Variants in ATXN7L1 observed in about 807,000 individuals in gnomAD.
ATXN7L1 encodes ataxin 7 like 1, also known as ataxin-7-like protein 1.
A neutral mutation model predicts 70.8 loss-of-function variants in ATXN7L1; 15 were observed. That is an observed-to-expected ratio of 0.21 (90% CI 0.14 to 0.33). ATXN7L1 has a LOEUF of 0.33. Ranked by LOEUF, ATXN7L1 falls within the 10% of genes least tolerant of loss-of-function variation. The pLI is 1.00. For missense variants in ATXN7L1, 975 were observed against 1,097.1 expected (o/e 0.89, Z 1.57); for synonymous variants, 440 against 445.1 (o/e 0.99, Z 0.14).
intron 3 of ATXN7L1, among the ~76,000 whole-genome samples, chr7:105,694,368 C>G (rs923169309): frequency 5.9e-5 from 9 of 152,100 alleles, no homozygotes; most frequent in Non-Finnish European, 1.2e-4. Flanking sequence ...TTCAATCAGC[C>G]CTGTCCTTGG....
chr7:105,853,985 C>T (rs1815299486), intron 2 of ATXN7L1, among the ~76,000 whole-genome samples: 1 of 152,072 alleles, frequency 6.6e-6, no homozygotes, highest in East Asian at 1.9e-4. Context: ...TCTGTGGACA[C>T]GCGGCGGTCT....
chr7:105,610,994 C>T (rs141865295), intron 10 of ATXN7L1, among the ~76,000 whole-genome samples: 4 of 152,344 alleles, frequency 2.6e-5, no homozygotes, highest in Admixed American at 6.5e-5. Context: ...TCTGACCCTC[C>T]GTCCCAAACC....
intron 3 of ATXN7L1, among the ~76,000 whole-genome samples, chr7:105,757,089 G>T (rs1799892819): frequency 6.6e-6 from 1 of 152,174 alleles, no homozygotes. Flanking sequence ...AGTCACGAAA[G>T]GGGCCAAAAA....
chr7:105,856,506 A>T (rs1380298093), intron 2 of ATXN7L1, among the ~76,000 whole-genome samples: 1 of 151,744 alleles, frequency 6.6e-6, no homozygotes, highest in Non-Finnish European at 1.5e-5. Flanking sequence ...GAATCGCTGG[A>T]ACTTGGGAGG....
chr7:105,757,947 T>C (rs1584934310), intron 3 of ATXN7L1, among the ~76,000 whole-genome samples: 1 of 152,218 alleles, frequency 6.6e-6, no homozygotes, highest in East Asian at 1.9e-4. Context: ...TGGTACACAG[T>C]TGCTCTGTTT....
chr7:105,615,288 G>A (rs192586195), intron 9 of ATXN7L1, among the ~76,000 whole-genome samples: 3 of 152,254 alleles, frequency 2.0e-5, no homozygotes, highest in East Asian at 3.9e-4. Flanking sequence ...CACAGGGGCC[G>A]GAGCTTCCCC....
At chr7:105,690,651 C>A (rs1304725468) in intron 3 of ATXN7L1, among the ~76,000 whole-genome samples, 2 of 152,174 alleles carry the variant, frequency 1.3e-5, no homozygotes, top group Non-Finnish European at 2.9e-5. Context: ...TCTCCCGGAC[C>A]ATTAGACTGG....
chr7:105,873,887 G>A (rs544620858), intron 2 of ATXN7L1, among the ~76,000 whole-genome samples: 4 of 152,082 alleles, frequency 2.6e-5, no homozygotes, highest in Non-Finnish European at 5.9e-5. Context: ...CAGCACTTCG[G>A]GAGGCCAAGT....
chr7:105,677,022 T>C (rs2116137318), intron 3 of ATXN7L1, among the ~76,000 whole-genome samples: 1 of 152,342 alleles, frequency 6.6e-6, no homozygotes, highest in South Asian at 2.1e-4. Flanking sequence ...TAAGGCCTCA[T>C]GGCTTGCCAG....
intron 3 of ATXN7L1, among the ~76,000 whole-genome samples, chr7:105,695,431 G>A (rs934295360): frequency 1.3e-5 from 2 of 152,146 alleles, no homozygotes; most frequent in Non-Finnish European, 2.9e-5. Context: ...GGGGAGCTTC[G>A]GACATCTGCA....
At chr7:105,817,655 A>T (rs1809392275) in intron 2 of ATXN7L1, among the ~76,000 whole-genome samples, 1 of 152,148 alleles carries the variant, frequency 6.6e-6, no homozygotes, top group Non-Finnish European at 1.5e-5. Context: ...AATGGCTCAC[A>T]CCTATAATCC....
chr7:105,689,576 A>T (rs1340833514), intron 3 of ATXN7L1, among the ~76,000 whole-genome samples: 2 of 152,162 alleles, frequency 1.3e-5, no homozygotes, highest in Non-Finnish European at 2.9e-5. Context: ...AGATGCATAC[A>T]AACCAACACA....
intron 2 of ATXN7L1, among the ~76,000 whole-genome samples, chr7:105,862,262 C>T (rs1418742223): frequency 6.6e-6 from 1 of 152,008 alleles, no homozygotes; most frequent in Admixed American, 6.6e-5. Context: ...TAGGGAGACC[C>T]CGTCTCTAAA....
chr7:105,864,306 A>AG (rs1408601307), intron 2 of ATXN7L1, among the ~76,000 whole-genome samples: 4 of 151,036 alleles, frequency 2.6e-5, no homozygotes, highest in Admixed American at 1.3e-4. Context: ...AAGTCAAAAA[A>AG]AATTAGGCAG....
chr7:105,608,361 G>A (rs1223418226), intron 11 of ATXN7L1, among the ~76,000 whole-genome samples: 1 of 152,226 alleles, frequency 6.6e-6, no homozygotes, highest in African/African-American at 2.4e-5. Flanking sequence ...ATCTTCATCT[G>A]TAATCATCTT....
chr7:105,790,341 C>T (rs1026360057), intron 2 of ATXN7L1, among the ~76,000 whole-genome samples: 3 of 152,132 alleles, frequency 2.0e-5, no homozygotes, highest in African/African-American at 7.2e-5. Flanking sequence ...GTGGCTTACA[C>T]CTGTAATCCC....
At chr7:105,832,215 GA>G (rs757063593) in intron 2 of ATXN7L1, among the ~76,000 whole-genome samples, 11 of 152,136 alleles carry the variant, frequency 7.2e-5, no homozygotes, top group Non-Finnish European at 1.5e-4. Flanking sequence ...GAAGTAAACA[GA>G]AAAGAACAGT....
At chr7:105,621,977 T>C (rs566357223) in intron 8 of ATXN7L1, among the ~76,000 whole-genome samples, 40 of 152,344 alleles carry the variant, frequency 2.6e-4, no homozygotes, top group Non-Finnish European at 4.4e-4. Flanking sequence ...TCATGTTAAG[T>C]GCTTACTGAC....
intron 3 of ATXN7L1, among the ~76,000 whole-genome samples, chr7:105,766,302 G>A (rs939630536): frequency 2.0e-5 from 3 of 152,000 alleles, no homozygotes; most frequent in Non-Finnish European, 2.9e-5. Context: ...CTTACAGTGC[G>A]TGCAACGTGA....
Sources: gnomAD v4.1 joint callset for allele counts (sites outside exome capture counted in the v4.1 genomes callset) on GRCh38, gnomAD v4.1.1 for gene constraint, MANE v1.5 for transcripts, NCBI Gene and HGNC (gene_info 2026-07-23, HGNC 2026-07-21) for gene names.